The following SUMF1 variants were observed in gnomAD, a reference collection of about 807,000 sequenced individuals.
The protein encoded by SUMF1 is sulfatase modifying factor 1.
Under a neutral mutation model 47.6 loss-of-function variants are expected in SUMF1, and 48 were observed. The ratio of observed to expected loss-of-function variants is 1.01; its 90% CI spans 0.80 to 1.28. SUMF1 has a LOEUF of 1.28. SUMF1 is among the 50% of genes most tolerant of loss of function. The pLI, the probability that SUMF1 is intolerant of heterozygous loss-of-function variation, is 0.00. For missense variants in SUMF1, 571 were observed against 485.4 expected, an observed-to-expected ratio of 1.18 and a Z score of -1.66; for synonymous variants, 230 against 192.1, an observed-to-expected ratio of 1.20 and a Z score of -1.63.
chr3:4,255,392 T>C (rs1426259810), intron 8 of SUMF1, among the ~76,000 whole-genome samples: 1 of 98,812 alleles, frequency 1.0e-5, no homozygotes, highest in Admixed American at 1.0e-4. Flanking sequence ...GAGACACACA[T>C]AGGCTCAAAA....
chr3:4,373,593 G>T (rs1338280762), intron 8 of SUMF1, among the ~76,000 whole-genome samples: 1 of 151,966 alleles, frequency 6.6e-6, no homozygotes, highest in African/African-American at 2.4e-5. Flanking sequence ...AAAACTCTCG[G>T]CCCAAATGCA....
Position 4,280,514 on chromosome 3 carries a change from A to G in SUMF1, c.1014+95816T>C, listed in dbSNP as rs190007765. 3.3e-5 allele frequency among the ~76,000 whole-genome samples: 5 copies of G among 152,188 alleles called. No individual in the cohort carries two copies. In the South Asian group the frequency reaches 6.2e-4, roughly 19 times the overall value. On this transcript the variant is annotated intron_variant and NMD_transcript_variant, in intron 8 of 12. Coordinates refer to the SUMF1 transcript ENST00000448413. ...TAGAGGAAAAAAAAAACACAGAGGC[A>G]GGAACCCCTTATGTGAGAGGAAGGC... is the stretch of plus-strand genomic sequence containing the variant.
At chr3:4,142,353 T>C (rs1421500524) in intron 8 of SUMF1, among the ~76,000 whole-genome samples, 3 of 152,160 alleles carry the variant, frequency 2.0e-5, no homozygotes, top group Non-Finnish European at 4.4e-5. Context: ...ATTTGACACA[T>C]TGATGTTTAA....
chr3:4,217,927 C>T (rs571476507), intron 8 of SUMF1, among the ~76,000 whole-genome samples: 8 of 152,020 alleles, frequency 5.3e-5, no homozygotes, highest in South Asian at 4.2e-4. Context: ...CCTACTTTCA[C>T]GTCCACAAGT....
In SUMF1 at chr3:4,363,893, A is replaced by G. The variant is rs867298221; in HGVS notation, c.1015-1639T>C. On this transcript the variant is annotated intron_variant, in intron 8 of 8. Coordinates refer to ENST00000272902, the MANE Select transcript of SUMF1 (RefSeq NM_182760.4). ...GATAGCTCTTATTATTTTGAGATAC[A>G]TCCCATCAATACCTAATTTATTGAG... is the stretch of plus-strand genomic sequence containing the variant. Among the ~76,000 whole-genome samples, 26 of 144,922 alleles carry G rather than the reference A, an allele frequency of 1.8e-4. 3 individuals are homozygous for G. In the South Asian group the frequency reaches 2.2e-3, roughly 12 times the overall value.
intron 9 of SUMF1, among the ~76,000 whole-genome samples, chr3:4,060,157 T>C (rs921160390): frequency 6.6e-6 from 1 of 152,190 alleles, no homozygotes; most frequent in African/African-American, 2.4e-5. Flanking sequence ...AGCTGCCCAG[T>C]GGTAAATAAA....
intron 8 of SUMF1, among the ~76,000 whole-genome samples, chr3:4,285,931 G>A (rs569258162): frequency 2.0e-5 from 3 of 152,000 alleles, no homozygotes; most frequent in Non-Finnish European, 2.9e-5. Flanking sequence ...GCTAATAGTC[G>A]GAGCATGTTG....
chr3:4,051,646 T>C (rs1401767148), intron 9 of SUMF1, among the ~76,000 whole-genome samples: 2 of 152,132 alleles, frequency 1.3e-5, no homozygotes, highest in East Asian at 3.9e-4. Context: ...CCTACCATCT[T>C]TGACAGTCCT....
intron 8 of SUMF1, chr3:4,313,886 A>G (rs1279324475): frequency 1.3e-6 from 2 of 1,490,488 alleles, no homozygotes; most frequent in East Asian, 4.6e-5. Flanking sequence ...CAAGTTGTCC[A>G]TCAGTATCCT....
At chr3:4,260,427 A>G (rs114673858) in intron 8 of SUMF1, among the ~76,000 whole-genome samples, 9 of 152,294 alleles carry the variant, frequency 5.9e-5, no homozygotes, top group Non-Finnish European at 1.0e-4. Context: ...ACATTTTAAA[A>G]TTTTCAAATA....
intron 3 of SUMF1, among the ~76,000 whole-genome samples, chr3:4,444,132 T>C (rs1281250697): frequency 1.3e-5 from 2 of 152,176 alleles, no homozygotes; most frequent in African/African-American, 2.4e-5. Context: ...GGCTTTTCAA[T>C]AGCAATGCTT....
chr3:4,039,628 G>C (rs1041746968), intron 9 of SUMF1, among the ~76,000 whole-genome samples: 1 of 147,854 alleles, frequency 6.8e-6, no homozygotes, highest in Non-Finnish European at 1.5e-5. Context: ...ATCATTGTTG[G>C]ACATTTGGGT....
intron 8 of SUMF1, among the ~76,000 whole-genome samples, chr3:4,256,067 T>C (rs1174310920): frequency 3.3e-5 from 5 of 150,014 alleles, no homozygotes; most frequent in African/African-American, 9.9e-5. Flanking sequence ...TTGAAACCAA[T>C]GAGAACAAAG....
At chr3:4,088,551 C>G (rs1270486622) in intron 8 of SUMF1, among the ~76,000 whole-genome samples, 1 of 152,020 alleles carries the variant, frequency 6.6e-6, no homozygotes, top group Non-Finnish European at 1.5e-5. Flanking sequence ...TTTATTTTGT[C>G]TATAATATTT....
chr3:4,140,626 T>A (rs1186892775), intron 8 of SUMF1, among the ~76,000 whole-genome samples: 2 of 152,062 alleles, frequency 1.3e-5, no homozygotes, highest in Non-Finnish European at 1.5e-5. Flanking sequence ...TTTACATTAT[T>A]CCTTGACTTT....
intron 8 of SUMF1, among the ~76,000 whole-genome samples, chr3:4,127,161 A>G (rs376473989): frequency 3.3e-5 from 5 of 152,182 alleles, no homozygotes; most frequent in African/African-American, 9.6e-5. Flanking sequence ...AAACAATAAA[A>G]TTACCGTAAA....
intron 8 of SUMF1, chr3:4,313,442 C>T (rs1487152220): frequency 1.2e-6 from 2 of 1,613,996 alleles, no homozygotes; most frequent in African/African-American, 2.7e-5. Context: ...TTGATGATTC[C>T]TGTCCGAATT....
chr3:4,227,206 C>G (rs367774592), intron 8 of SUMF1, among the ~76,000 whole-genome samples: 63 of 152,258 alleles, frequency 4.1e-4, no homozygotes, highest in African/African-American at 1.4e-3. Context: ...CCTTTTCACA[C>G]ACTCTCATTT....
At position 4,127,855 on chromosome 3, in the gene SUMF1, G is replaced by A. The variant is rs562108041; in HGVS notation, c.1015-59110C>T. On this transcript the variant is annotated intron_variant and NMD_transcript_variant, in intron 8 of 12. Transcript: ENST00000448413. ...ATATGATTAGACCCAAAAATGGGAAGGACTTTACTTCTAACAGTATGGAGA... is the reference window on the plus strand; with the variant it reads ...ATATGATTAGACCCAAAAATGGGAAAGACTTTACTTCTAACAGTATGGAGA... 4.7e-4 allele frequency among the ~76,000 whole-genome samples: 71 copies of A among 152,198 alleles called. 2 individuals are homozygous for A. The highest frequency in any genetic ancestry group is 7.8e-4 in the Non-Finnish European group (53 of 68,016).
Sources: gnomAD v4.1 joint callset for allele counts (sites outside exome capture counted in the v4.1 genomes callset) on GRCh38, gnomAD v4.1.1 for gene constraint, MANE v1.5 for transcripts, NCBI Gene and HGNC (gene_info 2026-07-23, HGNC 2026-07-21) for gene names.